MDGA2: variants seen among roughly 807,000 people sequenced by gnomAD.
MDGA2 encodes MAM domain-containing glycosylphosphatidylinositol anchor protein 2.
A neutral mutation model predicts 117.8 loss-of-function variants in MDGA2; 40 were observed. The observed-to-expected ratio is 0.34, with a 90% confidence interval of 0.26 to 0.44. The LOEUF is 0.44. Ranked by LOEUF, MDGA2 falls within the 20% of genes least tolerant of loss-of-function variation. The pLI is 1.00. For missense variants in MDGA2, 1,123 were observed against 1,250.6 expected, an observed-to-expected ratio of 0.90 and a Z score of 1.54; for synonymous variants, 452 against 439.0, an observed-to-expected ratio of 1.03 and a Z score of -0.37.
At chr14:47,040,153 G>C (rs531955809) in intron 7 of MDGA2, among the ~76,000 whole-genome samples, 1 of 152,168 alleles carries the variant, frequency 6.6e-6, no homozygotes, top group South Asian at 2.1e-4. Context: ...CTCACATAGA[G>C]AAACACAGTA....
At chr14:47,109,498 G>T (rs187854223) in intron 5 of MDGA2, among the ~76,000 whole-genome samples, 1 of 152,258 alleles carries the variant, frequency 6.6e-6, no homozygotes, top group East Asian at 1.9e-4. Context: ...AGTAAAAAGG[G>T]TAGTGTTTTT....
intron 1 of MDGA2, among the ~76,000 whole-genome samples, chr14:47,371,611 C>T (rs9323134): frequency 1 from 151,648 of 151,798 alleles, 75,749 homozygotes; most frequent in Non-Finnish European, 1. Flanking sequence ...AATTCTCTCA[C>T]CCCCAAAATG....
chr14:47,092,878 T>C (rs1879743288), intron 6 of MDGA2, among the ~76,000 whole-genome samples: 1 of 152,028 alleles, frequency 6.6e-6, no homozygotes, highest in Non-Finnish European at 1.5e-5. Flanking sequence ...GTTCAGGAAA[T>C]GTGGCATATT....
intron 2 of MDGA2, among the ~76,000 whole-genome samples, chr14:47,219,820 A>G (rs771156687): frequency 5.3e-5 from 8 of 152,164 alleles, no homozygotes; most frequent in Admixed American, 6.5e-5. Flanking sequence ...TAAAAATAGC[A>G]TATGTGTGTA....
chr14:47,360,991 A>G (rs1460599334), intron 1 of MDGA2, among the ~76,000 whole-genome samples: 1 of 152,140 alleles, frequency 6.6e-6, no homozygotes, highest in Non-Finnish European at 1.5e-5. Context: ...TGTGGGACTA[A>G]TAAGTCTAGA....
chr14:47,084,639 T>A (rs1410836168), intron 6 of MDGA2, among the ~76,000 whole-genome samples: 3 of 152,152 alleles, frequency 2.0e-5, no homozygotes, highest in African/African-American at 2.4e-5. Flanking sequence ...TGTGATAGTA[T>A]CAGGACGTGG....
intron 3 of MDGA2, among the ~76,000 whole-genome samples, chr14:47,184,262 A>G (rs1011065070): frequency 6.6e-6 from 1 of 151,922 alleles, no homozygotes; most frequent in African/African-American, 2.4e-5. Context: ...TTAGTGGTCA[A>G]TATTTCCTTG....
intron 6 of MDGA2, among the ~76,000 whole-genome samples, chr14:47,067,012 G>A (rs1327729085): frequency 6.6e-6 from 1 of 152,146 alleles, no homozygotes; most frequent in Non-Finnish European, 1.5e-5. Flanking sequence ...CTACTTGGGA[G>A]GCTTAGGCAG....
chr14:46,856,146 C>G (rs1316929868), intron 14 of MDGA2, among the ~76,000 whole-genome samples: 3 of 151,976 alleles, frequency 2.0e-5, no homozygotes, highest in Non-Finnish European at 2.9e-5. Context: ...ACAATTTGCT[C>G]TATGTCATAC....
intron 1 of MDGA2, among the ~76,000 whole-genome samples, chr14:47,599,220 C>T (rs527733890): frequency 1.3e-5 from 2 of 151,628 alleles, no homozygotes; most frequent in Non-Finnish European, 2.9e-5. Flanking sequence ...TAACTTAAAA[C>T]GAATCTGTTA....
intron 3 of MDGA2, among the ~76,000 whole-genome samples, chr14:47,182,093 A>C (rs914790644): frequency 1.3e-5 from 2 of 152,070 alleles, no homozygotes; most frequent in Non-Finnish European, 2.9e-5. Context: ...AGTTGTTCCA[A>C]GTATGTGTGG....
rs150477447 is a variant in MDGA2, at chr14:46,926,316, A to G, written c.2090-6156T>C. Among the ~76,000 whole-genome samples the G allele has an allele frequency of 1.7e-3, 259 of 152,310 alleles. 1 individual carries two copies. The highest frequency in any genetic ancestry group is 5.8e-3 in the African/African-American group (243 of 41,582). On this transcript the variant is annotated intron_variant, in intron 9 of 16. Coordinates refer to ENST00000399232, the MANE Select transcript of MDGA2 (RefSeq NM_001113498.3). ...GAATTCCACAAAAGACACACTTGCA[A>G]AGTATCAAAAATAATAAAACCTAAT... is the stretch of plus-strand genomic sequence containing the variant.
chr14:47,576,311 G>A (rs1896114451), intron 1 of MDGA2, among the ~76,000 whole-genome samples: 1 of 152,144 alleles, frequency 6.6e-6, no homozygotes, highest in Non-Finnish European at 1.5e-5. Flanking sequence ...GACCAGTATT[G>A]TTAAAACTGC....
chr14:47,196,378 T>C (rs957893676), intron 3 of MDGA2, among the ~76,000 whole-genome samples: 2 of 152,138 alleles, frequency 1.3e-5, no homozygotes, highest in African/African-American at 4.8e-5. Flanking sequence ...AAGAGAAAGA[T>C]GCAGAGGTTT....
intron 3 of MDGA2, among the ~76,000 whole-genome samples, chr14:47,164,288 C>G (rs915478440): frequency 6.6e-6 from 1 of 152,124 alleles, no homozygotes; most frequent in African/African-American, 2.4e-5. Flanking sequence ...CACAGCTTTC[C>G]CAGTTCCCTG....
At chr14:47,641,419 A>C (rs1897421534) in intron 1 of MDGA2, among the ~76,000 whole-genome samples, 1 of 152,100 alleles carries the variant, frequency 6.6e-6, no homozygotes. Flanking sequence ...TTCTGTTTAC[A>C]TGAGTCCAGG....
At chr14:47,085,980 A>T (rs1890881189) in intron 6 of MDGA2, among the ~76,000 whole-genome samples, 1 of 152,078 alleles carries the variant, frequency 6.6e-6, no homozygotes. Context: ...CTTTTAAATT[A>T]ATTACCTTAT....
rs145742031 is a variant in MDGA2 at position 46,888,292 on chromosome 14, C to G, written c.2239-6071G>C. 5.9e-3 allele frequency among the ~76,000 whole-genome samples: 903 copies of G among 152,004 alleles called. 6 individuals are homozygous for G. Among genetic ancestry groups the G allele is most frequent in the Non-Finnish European group, 9.7e-3 (656 of 67,856 alleles). On this transcript the variant is annotated intron_variant, in intron 10 of 16. Transcript: ENST00000399232. The stretch of plus-strand genomic sequence containing the variant: ...ATGCAATATTATTCCACTGATTGAA[C>G]GTAATACCAGAAAACCCTCAGAGAA...
At chr14:47,539,880 T>G (rs2138751802) in intron 1 of MDGA2, among the ~76,000 whole-genome samples, 1 of 152,330 alleles carries the variant, frequency 6.6e-6, no homozygotes, top group Admixed American at 6.5e-5. Context: ...ACTGGTTCAT[T>G]CCATGCTCAC....
Sources: gnomAD v4.1 joint callset for allele counts (sites outside exome capture counted in the v4.1 genomes callset) on GRCh38, gnomAD v4.1.1 for gene constraint, MANE v1.5 for transcripts, NCBI Gene and HGNC (gene_info 2026-07-23, HGNC 2026-07-21) for gene names.